SRGAP1: variants seen among roughly 807,000 people sequenced by gnomAD.
The protein encoded by SRGAP1 is SLIT-ROBO Rho GTPase activating protein 1, also known as SLIT-ROBO Rho GTPase-activating protein 1.
In SRGAP1, 43 loss-of-function variants were observed where a neutral mutation model predicts 121.9. That is an observed-to-expected ratio of 0.35 (90% CI 0.28 to 0.46). SRGAP1 has a LOEUF of 0.46. Among genes scored for constraint, SRGAP1 ranks in the 20% least tolerant of loss-of-function variants. SRGAP1 has a pLI of 1.00. For missense variants in SRGAP1, 1,102 were observed against 1,350.9 expected, an observed-to-expected ratio of 0.82 and a Z score of 2.89; for synonymous variants, 447 against 485.4, an observed-to-expected ratio of 0.92 and a Z score of 1.04.
intron 2 of SRGAP1, among the ~76,000 whole-genome samples, chr12:63,988,240 G>A (rs919526839): frequency 1.3e-5 from 2 of 152,196 alleles, no homozygotes; most frequent in Non-Finnish European, 2.9e-5. Context: ...ATATGTTGAA[G>A]CATGAAATGT....
chr12:63,930,654 C>T (rs1474634631), intron 1 of SRGAP1, among the ~76,000 whole-genome samples: 1 of 151,898 alleles, frequency 6.6e-6, no homozygotes, highest in Non-Finnish European at 1.5e-5. Context: ...TTTCTTTTCT[C>T]AGAAGAAAGA....
chr12:63,904,854 T>C (rs1357272021), intron 1 of SRGAP1, among the ~76,000 whole-genome samples: 1 of 152,152 alleles, frequency 6.6e-6, no homozygotes, highest in Non-Finnish European at 1.5e-5. Context: ...AGGATCACTT[T>C]AGCCAGGAGT....
chr12:63,898,742 G>T (rs2136303819), intron 1 of SRGAP1, among the ~76,000 whole-genome samples: 1 of 152,260 alleles, frequency 6.6e-6, no homozygotes, highest in South Asian at 2.1e-4. Context: ...AATTTCTATA[G>T]TATCGTCACA....
rs535568468 is a variant in SRGAP1, at chr12:63,985,834, C to G, written c.263+1692C>G. 3.3e-5 allele frequency among the ~76,000 whole-genome samples: 5 copies of G among 152,288 alleles called. No homozygotes were observed. The South Asian group carries it at 1.0e-3, about 32-fold the overall frequency. On this transcript the variant is annotated intron_variant, in intron 2 of 21. Transcript: ENST00000355086. Reference sequence around the variant, plus strand: ...ACAGAAACCCCTCTACCCACCTTCACAGGGCACAACAAGAAGACCTGGCTG... The same window carrying G: ...ACAGAAACCCCTCTACCCACCTTCAGAGGGCACAACAAGAAGACCTGGCTG...
At chr12:64,057,948 G>A (rs1252860827) in intron 6 of SRGAP1, among the ~76,000 whole-genome samples, 1 of 152,136 alleles carries the variant, frequency 6.6e-6, no homozygotes, top group Non-Finnish European at 1.5e-5. Flanking sequence ...ATGAATGTCA[G>A]ACTTGTTTCC....
At chr12:64,037,049 A>G (rs930404145) in intron 4 of SRGAP1, among the ~76,000 whole-genome samples, 2 of 152,212 alleles carry the variant, frequency 1.3e-5, no homozygotes, top group Non-Finnish European at 2.9e-5. Flanking sequence ...AATCAGAAGA[A>G]TAAGATCCCT....
intron 1 of SRGAP1, among the ~76,000 whole-genome samples, chr12:63,925,621 G>T (rs1026639592): frequency 5.3e-5 from 8 of 152,130 alleles, no homozygotes; most frequent in African/African-American, 1.9e-4. Flanking sequence ...CAGATACCAC[G>T]TGTTAATATC....
chr12:63,976,578 G>T (rs1300307988), intron 1 of SRGAP1, among the ~76,000 whole-genome samples: 4 of 152,156 alleles, frequency 2.6e-5, no homozygotes, highest in African/African-American at 9.7e-5. Flanking sequence ...TAAGGAGCCT[G>T]GCACAAGAAA....
intron 1 of SRGAP1, among the ~76,000 whole-genome samples, chr12:63,942,992 C>G (rs1012702841): frequency 1.3e-5 from 2 of 152,146 alleles, no homozygotes; most frequent in African/African-American, 4.8e-5. Context: ...GAAATCTAAG[C>G]TAAGTCTGGT....
At chr12:64,101,331 G>A (rs1401140545) in intron 15 of SRGAP1, among the ~76,000 whole-genome samples, 1 of 150,450 alleles carries the variant, frequency 6.6e-6, no homozygotes, top group Non-Finnish European at 1.5e-5. Context: ...GTGTGTGTGT[G>A]TGTGTGTGTG....
chr12:63,967,229 C>T (rs1279066640), intron 1 of SRGAP1, among the ~76,000 whole-genome samples: 1 of 152,100 alleles, frequency 6.6e-6, no homozygotes, highest in Non-Finnish European at 1.5e-5. Flanking sequence ...TCACTTCTCC[C>T]CAGGAGTTCA....
intron 3 of SRGAP1, among the ~76,000 whole-genome samples, chr12:63,993,625 T>C (rs535965219): frequency 3.9e-5 from 6 of 152,184 alleles, no homozygotes; most frequent in Non-Finnish European, 7.3e-5. Context: ...CCATATCTTA[T>C]ACAGTTTAGT....
chr12:64,056,429 T>C (rs534649480), intron 6 of SRGAP1, among the ~76,000 whole-genome samples: 1 of 151,780 alleles, frequency 6.6e-6, no homozygotes, highest in East Asian at 1.9e-4. Context: ...ACTAGGTGCC[T>C]GTAATCCCAA....
intron 2 of SRGAP1, among the ~76,000 whole-genome samples, chr12:63,986,152 CTT>C (rs1350837111): frequency 6.6e-6 from 1 of 151,648 alleles, no homozygotes; most frequent in East Asian, 1.9e-4. Flanking sequence ...TCTCTCCTCT[CTT>C]CTCTTTTTTC....
chr12:63,850,948 G>T (rs1202667228), intron 1 of SRGAP1, among the ~76,000 whole-genome samples: 1 of 152,044 alleles, frequency 6.6e-6, no homozygotes, highest in Non-Finnish European at 1.5e-5. Flanking sequence ...TTGAGCCCAG[G>T]AGTTTGAGAC....
chr12:64,109,153 A>G, intron 16 of SRGAP1, 116 bp downstream of exon 16: 1 of 596,866 alleles, frequency 1.7e-6, no homozygotes, highest in Non-Finnish European at 2.7e-6. Flanking sequence ...AAAATGATTG[A>G]ATATACATTG....
chr12:63,969,565 A>G (rs553506800), intron 1 of SRGAP1, among the ~76,000 whole-genome samples: 82 of 152,218 alleles, frequency 5.4e-4, no homozygotes, highest in African/African-American at 1.7e-3. Context: ...AGGCCAAGGC[A>G]GGCGGATCAC....
chr12:63,949,393 TTATTTA>T (rs2032207940), intron 1 of SRGAP1, among the ~76,000 whole-genome samples: 2 of 111,634 alleles, frequency 1.8e-5, no homozygotes, highest in African/African-American at 3.4e-5. Context: ...GACATTTTTA[TTATTTA>T]TTATTATTAT....
chr12:63,887,508 A>T (rs1392619822), intron 1 of SRGAP1: 1 of 152,174 alleles, frequency 6.6e-6, no homozygotes, highest in Non-Finnish European at 1.5e-5. Flanking sequence ...GTCTGAGGGG[A>T]AGGGTGGGAG....
Sources: gnomAD v4.1 joint callset for allele counts (sites outside exome capture counted in the v4.1 genomes callset) on GRCh38, gnomAD v4.1.1 for gene constraint, MANE v1.5 for transcripts, NCBI Gene and HGNC (gene_info 2026-07-23, HGNC 2026-07-21) for gene names.